PLGRKT: variants seen among roughly 807,000 people sequenced by gnomAD.
The protein encoded by PLGRKT is plasminogen receptor with a C-terminal lysine.
A neutral mutation model predicts 18.5 loss-of-function variants in PLGRKT; 22 were observed. The observed-to-expected ratio is 1.19, with a 90% CI of 0.85 to 1.70. PLGRKT has a LOEUF of 1.70. Ranked by LOEUF, PLGRKT falls within the 40% of genes most tolerant of loss-of-function variation. The pLI is 0.00. For missense variants in PLGRKT, 235 were observed against 174.4 expected (o/e 1.35, Z -1.96); for synonymous variants, 72 against 52.8 (o/e 1.36, Z -1.58).
At chr9:5,423,856 C>G (rs189078902) in intron 3 of PLGRKT, among the ~76,000 whole-genome samples, 2 of 92,558 alleles carry the variant, frequency 2.2e-5, no homozygotes, top group Non-Finnish European at 4.4e-5. Context: ...GCACACATCA[C>G]ATTGCCCAGC....
intron 5 of PLGRKT, among the ~76,000 whole-genome samples, chr9:5,360,781 A>G (rs1388844267): frequency 6.6e-6 from 1 of 152,250 alleles, no homozygotes; most frequent in African/African-American, 2.4e-5. Context: ...ACACAATTTA[A>G]TATTATTTAT....
At chr9:5,369,495 T>C (rs1402450711) in intron 3 of PLGRKT, among the ~76,000 whole-genome samples, 1 of 152,006 alleles carries the variant, frequency 6.6e-6, no homozygotes, top group African/African-American at 2.4e-5. Context: ...GTTGTGGGAG[T>C]GTAGATTATT....
At chr9:5,366,369 T>C (rs1032280621) in intron 3 of PLGRKT, among the ~76,000 whole-genome samples, 1 of 152,194 alleles carries the variant, frequency 6.6e-6, no homozygotes. Flanking sequence ...TTCTTTATCG[T>C]ATTTTAAAAG....
At chr9:5,383,859 G>T (rs1817791741) in intron 3 of PLGRKT, among the ~76,000 whole-genome samples, 1 of 152,196 alleles carries the variant, frequency 6.6e-6, no homozygotes, top group African/African-American at 2.4e-5. Flanking sequence ...GTGGCCCAGG[G>T]GTTGGGGATC....
chr9:5,373,867 G>A (rs1817577154), intron 3 of PLGRKT, among the ~76,000 whole-genome samples: 1 of 152,168 alleles, frequency 6.6e-6, no homozygotes, highest in Non-Finnish European at 1.5e-5. Flanking sequence ...AAAAGGGCAA[G>A]TCTTGCTCCC....
intron 2 of PLGRKT, among the ~76,000 whole-genome samples, chr9:5,433,043 G>A (rs1435378070): frequency 2.0e-5 from 3 of 151,494 alleles, no homozygotes; most frequent in Non-Finnish European, 4.4e-5. Context: ...CATCGTCTGG[G>A]ATGTGAGGAG....
At chr9:5,407,673 G>T (rs1030825369) in intron 3 of PLGRKT, among the ~76,000 whole-genome samples, 3 of 151,886 alleles carry the variant, frequency 2.0e-5, no homozygotes, top group Admixed American at 6.6e-5. Flanking sequence ...AAATTCTGAA[G>T]CATTGCTTTG....
At position 5,361,157 on chromosome 9, in the gene PLGRKT, C is replaced by T. The variant is rs773143392; in HGVS notation, c.243G>A (p.Leu81=). The change falls in exon 5 of 6, where the codon CTG becomes CTA. Residue 81 remains leucine (L), a synonymous_variant. Coordinates refer to ENST00000223864, the MANE Select transcript of PLGRKT (RefSeq NM_018465.4). ...GAIKKKKPAF[L]VPIVPLSFIL... ...TAAAGCTTAATGGAACAATCGGGAC[C>T]AGGAAGGCTGGCTTCTTTTTTTTAA... 1.9e-6 allele frequency: 3 copies of T among 1,609,592 alleles called. No homozygotes were observed. In the East Asian group the frequency reaches 6.7e-5, roughly 36 times the overall value.
At chr9:5,359,367 T>A (rs35951985) in intron 5 of PLGRKT, among the ~76,000 whole-genome samples, 1 of 152,124 alleles carries the variant, frequency 6.6e-6, no homozygotes, top group East Asian at 1.9e-4. Context: ...AACACACTAT[T>A]AATTGTACTC....
chr9:5,398,725 T>C (rs1818099786), intron 3 of PLGRKT, among the ~76,000 whole-genome samples: 1 of 151,862 alleles, frequency 6.6e-6, no homozygotes, highest in Non-Finnish European at 1.5e-5. Flanking sequence ...TTTGAGGAAA[T>C]TATATCATGT....
At chr9:5,437,553 C>G (rs563091955) in intron 1 of PLGRKT, 1 of 152,334 alleles carries the variant, frequency 6.6e-6, no homozygotes, top group South Asian at 2.1e-4. Flanking sequence ...TTTCTCAACT[C>G]TATTTTAAAG....
At chr9:5,381,959 C>G in intron 3 of PLGRKT, 1 of 984,908 alleles carries the variant, frequency 1.0e-6, no homozygotes, top group Non-Finnish European at 1.2e-6. Context: ...CCTGAGCCAG[C>G]TCTCAAGCAC....
chr9:5,373,771 C>G (rs1273239064), intron 3 of PLGRKT, among the ~76,000 whole-genome samples: 1 of 151,530 alleles, frequency 6.6e-6, no homozygotes, highest in Non-Finnish European at 1.5e-5. Flanking sequence ...GAGCAAGGCC[C>G]TGTTTCAAAA....
chr9:5,411,837 G>A (rs1450402784), intron 3 of PLGRKT, among the ~76,000 whole-genome samples: 1 of 151,950 alleles, frequency 6.6e-6, no homozygotes, highest in Non-Finnish European at 1.5e-5. Flanking sequence ...TAAACAAATG[G>A]AAAAACATTT....
intron 3 of PLGRKT, among the ~76,000 whole-genome samples, chr9:5,403,564 C>T (rs895666005): frequency 6.6e-6 from 1 of 152,180 alleles, no homozygotes; most frequent in Non-Finnish European, 1.5e-5. Flanking sequence ...TGAAGTGATT[C>T]ATACTTCACA....
Position 5,436,682 on chromosome 9 carries a change from T to C in PLGRKT, c.-120A>G, listed in dbSNP as rs982081507. 6.6e-6 allele frequency: 1 copy of C among 152,238 alleles called. No individual in the cohort carries two copies. Among genetic ancestry groups the C allele is most frequent in the African/African-American group, 2.4e-5 (1 of 41,438 alleles). 9.4% of individuals were successfully genotyped at this position (152,238 alleles called of 1,614,324 possible). On this transcript the variant is annotated 5_prime_UTR_variant, in exon 2 of 6. Transcript: ENST00000223864. ...CCAAGCAGGAAGAAGAGCTTCCTTA[T>C]GGGAAACCACACCTGAGAATAAATA... is the stretch of plus-strand genomic sequence containing the variant.
chr9:5,418,918 G>T lies in PLGRKT; in HGVS notation c.81+12979C>A. ...ATCCAGCAACTTGGCCTTCACTAGG[G>T]GCTGCAGTAATTAAAACAGATCTGA... On this transcript the variant is annotated intron_variant, in intron 3 of 5. Transcript: ENST00000223864. The surrounding 1 kb of genome is among the most constrained non-coding windows in gnomAD (Gnocchi z 4.2). The T allele has an allele frequency of 1.2e-6, 1 of 837,248 alleles. No homozygotes were observed. Among genetic ancestry groups the T allele is most frequent in the Non-Finnish European group, 2.0e-6 (1 of 508,158 alleles). The allele number at this position is 837,248 out of a possible 1,614,324, so 51.9% of individuals were successfully genotyped here. A position where few individuals can be genotyped will look rare whatever the true frequency, so the allele number is the denominator to read the frequency against.
chr9:5,432,113 G>C (rs1263370709), intron 2 of PLGRKT, 130 bp from the exon 3 acceptor site: 1 of 583,520 alleles, frequency 1.7e-6, no homozygotes, highest in Non-Finnish European at 3.1e-6. Context: ...TAGGAACACA[G>C]TGTGGATTCT....
rs375532953 is a variant in PLGRKT at position 5,358,230 on chromosome 9, A to G, written c.*9T>C. The stretch of plus-strand genomic sequence containing the variant: ...TCTGTGCTTTGAGATTTGATTGGTA[A>G]GCATGATTTCATTTGTCTATGAAGA... On this transcript the variant is annotated 3_prime_UTR_variant, in exon 6 of 6. Transcript: ENST00000223864. The G allele has an allele frequency of 6.2e-7, 1 of 1,604,074 alleles. No homozygotes were observed. Among genetic ancestry groups the G allele is most frequent in the Non-Finnish European group, 8.5e-7 (1 of 1,172,572 alleles).
Sources: allele counts gnomAD v4.1 joint callset (sites outside exome capture counted in the v4.1 genomes callset), GRCh38; gene constraint gnomAD v4.1.1; non-coding constraint Gnocchi (gnomAD v3.1); transcripts MANE v1.5; gene names NCBI Gene and HGNC (gene_info 2026-07-23, HGNC 2026-07-21).